ZNF648: variants seen among roughly 807,000 people sequenced by gnomAD.
The protein encoded by ZNF648 is zinc finger protein 648.
In ZNF648, 1 loss-of-function variant was observed where a neutral mutation model predicts 0.3. That is an observed-to-expected ratio of 3.90 (90% CI 1.39 to 18.51). The LOEUF is 18.51. Ranked by LOEUF, ZNF648 falls within the 30% of genes most tolerant of loss-of-function variation. The probability of loss-of-function intolerance (pLI) is 0.11; values close to 1 mark genes in which losing one functional copy is unlikely to be tolerated. For missense variants in ZNF648, 874 were observed against 769.7 expected (o/e 1.14, Z -1.60); for synonymous variants, 376 against 326.8 (o/e 1.15, Z -1.62).
chr1:182,066,352 C>T (rs150621661), upstream of ZNF648, among the ~76,000 whole-genome samples: 531 of 152,230 alleles, frequency 3.5e-3, 4 homozygotes, highest in African/African-American at 0.012. Context: ...TATGTTCTTC[C>T]CCATGCTCTG....
Position 182,055,856 on chromosome 1 carries a change from C to G in ZNF648, c.*448G>C, listed in dbSNP as rs1665895568. 6.2e-6 allele frequency: 1 copy of G among 161,624 alleles called. No individual in the cohort carries two copies. The highest frequency in any genetic ancestry group is 1.4e-5 in the Non-Finnish European group (1 of 73,228). The allele number at this position is 161,624 out of a possible 1,614,324, so 10.0% of individuals were successfully genotyped here. On this transcript the variant is annotated 3_prime_UTR_variant, in exon 2 of 2. Transcript: ENST00000339948. This position sits in a 1 kb window ranked among gnomAD's most constrained non-coding sequence, Gnocchi z 4.1. ...GGGATTCCTTTATTTATATAAAAAC[C>G]AAAAAGCATCTTTCTCTAAAGAGGA... is the stretch of plus-strand genomic sequence containing the variant.
chr1:182,061,915 C>T (rs1377435587), upstream of ZNF648, among the ~76,000 whole-genome samples: 1 of 152,226 alleles, frequency 6.6e-6, no homozygotes, highest in East Asian at 1.9e-4. Flanking sequence ...CCCTATGCCT[C>T]TTGTTCACTT....
upstream of ZNF648, chr1:182,063,563 G>A (rs1280218786): frequency 6.6e-6 from 1 of 152,010 alleles, no homozygotes; most frequent in African/African-American, 2.4e-5. Context: ...TTTGTGGGGG[G>A]TTTCGTAAAT....
In ZNF648 at chr1:182,055,740, A is replaced by T. The variant is rs1343808313; in HGVS notation, c.*564T>A. 6.5e-6 allele frequency: 1 copy of T among 154,258 alleles called. No homozygotes were observed. The highest frequency in any genetic ancestry group is 1.4e-5 in the Non-Finnish European group (1 of 69,424). 9.6% of individuals were successfully genotyped at this position (154,258 alleles called of 1,614,324 possible). ...ATCCTAAGGGTAAAGCCATTTCTGC[A>T]GTCAAGTGAAATGATGGGATGTTGG... On this transcript the variant is annotated 3_prime_UTR_variant, in exon 2 of 2. Coordinates refer to ENST00000339948, the MANE Select transcript of ZNF648 (RefSeq NM_001009992.1). The surrounding 1 kb of genome is among the most constrained non-coding windows in gnomAD (Gnocchi z 4.1).
intron 1 of ZNF648, among the ~76,000 whole-genome samples, chr1:182,058,951 T>C (rs556355258): frequency 6.6e-6 from 1 of 152,228 alleles, no homozygotes; most frequent in East Asian, 1.9e-4. Flanking sequence ...GCCTCTTGAG[T>C]AGCTGGGATT....
chr1:182,069,407 C>G, the ZNF648 span, among the ~76,000 whole-genome samples: 1 of 152,230 alleles, frequency 6.6e-6, no homozygotes, highest in Non-Finnish European at 1.5e-5. Flanking sequence ...TCAACTGCTG[C>G]ACTGAACGTA....
chr1:182,064,099 T>C (rs905820586), upstream of ZNF648: 1 of 152,256 alleles, frequency 6.6e-6, no homozygotes, highest in African/African-American at 2.4e-5. Flanking sequence ...TTTTGGTTAC[T>C]GTAGCCTTGT....
rs1241092879 is a variant in ZNF648 at position 182,057,837 on chromosome 1, G to A, written c.174C>T (p.Ser58=). ...TADPVACPRG[S]SPVTHENPDL... is the part of the protein sequence containing the mutation. ...CAGGATTTTCGTGTGTTACTGGGGA[G>A]CTGCCCCTTGGACAGGCCACCGGGT... The change falls in exon 2 of 2, where the codon AGC becomes AGT. Residue 58 remains serine, a synonymous_variant. Coordinates refer to ENST00000339948, the MANE Select transcript of ZNF648 (RefSeq NM_001009992.1). 6.2e-7 allele frequency: 1 copy of A among 1,614,190 alleles called. No individual in the cohort carries two copies. The highest frequency in any genetic ancestry group is 2.2e-5 in the East Asian group (1 of 44,870).
In ZNF648 at chr1:182,057,108, G is replaced by A; in HGVS notation, c.903C>T (p.His301=). Reference sequence around the variant, plus strand: ...AGCACTGGTAGGGCCGCTCGCCCGTGTGCAGGCGCCTGTGCTGCTGGAGTG... The same window carrying A: ...AGCACTGGTAGGGCCGCTCGCCCGTATGCAGGCGCCTGTGCTGCTGGAGTG... The part of the protein sequence containing the change: ...RGTLQQHRRL[H]TGERPYQCSF... Residue 301 remains histidine, a synonymous_variant, in exon 2 of 2, where the codon CAC becomes CAT. Coordinates refer to ENST00000339948, the MANE Select transcript of ZNF648 (RefSeq NM_001009992.1). The A allele has an allele frequency of 3.1e-6, 5 of 1,609,780 alleles. No homozygotes were observed. Among genetic ancestry groups the A allele is most frequent in the Non-Finnish European group, 4.2e-6 (5 of 1,179,894 alleles).
Position 182,057,895 on chromosome 1 carries a change from T to C in ZNF648, c.116A>G (p.Asp39Gly), listed in dbSNP as rs761942875. ...GCCCTCTTTTTCGGCCTCCCCACCA[T>C]CTTCATCGTCACTCTCTAAGTTCAT... The part of the protein sequence containing the change: ...LSMNLESDDE[D>G]GGEAEKEGTA... The change falls in exon 2 of 2, where the codon GAT becomes GGT. Residue 39 changes from aspartate to glycine, a missense_variant. By Grantham distance (94) the Asp-to-Gly change is moderately conservative. Coordinates refer to ENST00000339948, the MANE Select transcript of ZNF648 (RefSeq NM_001009992.1). 4 of 1,614,118 alleles carry C rather than the reference T, an allele frequency of 2.5e-6. No homozygotes were observed. In the South Asian group the frequency reaches 3.3e-5, roughly 13 times the overall value.
chr1:182,067,787 A>T, the ZNF648 span, among the ~76,000 whole-genome samples: 1 of 152,254 alleles, frequency 6.6e-6, no homozygotes, highest in East Asian at 1.9e-4. Flanking sequence ...GGATGGGTTC[A>T]TGGAACCCTC....
At position 182,056,823 on chromosome 1, in the gene ZNF648, G is replaced by A. The variant is rs1236187279; in HGVS notation, c.1188C>T (p.Ala396=). 1.3e-6 allele frequency: 2 copies of A among 1,552,976 alleles called. No homozygotes were observed. The highest frequency in any genetic ancestry group is 2.4e-5 in the East Asian group (1 of 41,070). The change falls in exon 2 of 2, where the codon GCC becomes GCT. Residue 396 remains alanine (A), a synonymous_variant. Coordinates refer to ENST00000339948, the MANE Select transcript of ZNF648 (RefSeq NM_001009992.1). ...HLGAKPFRCP[A]CDREFAVASR... ...TGGCCACAGCGAACTCCCGGTCGCAGGCGGGGCAGCGGAAGGGCTTGGCGC... is the reference window on the plus strand; with the variant it reads ...TGGCCACAGCGAACTCCCGGTCGCAAGCGGGGCAGCGGAAGGGCTTGGCGC...
Position 182,056,934 on chromosome 1 carries a change from G to A in ZNF648, c.1077C>T (p.Ser359=). 6.2e-7 allele frequency: 1 copy of A among 1,611,554 alleles called. No individual in the cohort carries two copies. The highest frequency in any genetic ancestry group is 1.3e-5 in the African/African-American group (1 of 75,048). The change falls in exon 2 of 2, where the codon AGC becomes AGT. Residue 359 remains serine (S), a synonymous_variant. Transcript: ENST00000339948. ...DLRKHQRNMH[S]NNKPFPCSEC... is the part of the protein sequence containing the mutation. The stretch of plus-strand genomic sequence containing the variant: ...CGGAGCACGGGAAGGGCTTATTGTT[G>A]CTGTGCATGTTGCGCTGGTGTTTGC...
At chr1:182,059,933 G>A (rs1666003851) in intron 1 of ZNF648, among the ~76,000 whole-genome samples, 1 of 152,226 alleles carries the variant, frequency 6.6e-6, no homozygotes, top group African/African-American at 2.4e-5. Context: ...CAGCAGTGGG[G>A]TTTCTCTCTA....
Position 182,057,508 on chromosome 1 carries a change from G to T in ZNF648, c.503C>A (p.Pro168His). 1 of 1,614,212 alleles carries T rather than the reference G, an allele frequency of 6.2e-7. No individual in the cohort carries two copies. The highest frequency in any genetic ancestry group is 1.1e-5 in the South Asian group (1 of 91,090). Residue 168 changes from proline to histidine, a missense_variant, in exon 2 of 2, where the codon CCC becomes CAC. Coordinates refer to ENST00000339948, the MANE Select transcript of ZNF648 (RefSeq NM_001009992.1). ...CGCACAGAGATACTTTCCATTGCTG[G>T]GGAAGCTGGGTGGGACATCCAAGAC... ...DAVLDVPPSF[P>H]SNGKYLCAHK...
the ZNF648 span, chr1:182,069,186 T>G: frequency 6.6e-6 from 1 of 152,108 alleles, no homozygotes; most frequent in East Asian, 2.0e-4. Flanking sequence ...CTGACACAGC[T>G]GCGGAGCTCC....
the ZNF648 span, among the ~76,000 whole-genome samples, chr1:182,067,902 T>A: frequency 6.6e-6 from 1 of 152,200 alleles, no homozygotes; most frequent in Non-Finnish European, 1.5e-5. Context: ...ACTTCAGGCC[T>A]CCACTCCTCC....
chr1:182,062,080 G>C (rs1290948356), upstream of ZNF648, among the ~76,000 whole-genome samples: 3 of 152,192 alleles, frequency 2.0e-5, no homozygotes, highest in Admixed American at 2.0e-4. Flanking sequence ...CCCTATTCTA[G>C]TACCCACCTT....
Position 182,056,462 on chromosome 1 carries a change from A to G in ZNF648, c.1549T>C (p.Ser517Pro). 1 of 1,613,994 alleles carries G rather than the reference A, an allele frequency of 6.2e-7. No homozygotes were observed. The highest frequency in any genetic ancestry group is 8.5e-7 in the Non-Finnish European group (1 of 1,179,956). ...ATTCGTATGTGCTGGGCCAACTCAG[A>G]GGCAATGCGGAAGGCCCTGCCGCAC... ...AECGRAFRIA[S>P]ELAQHIRMHN... Residue 517 changes from serine to proline, a missense_variant, in exon 2 of 2, where the codon TCT becomes CCT. Ser to Pro is a moderately conservative substitution (Grantham distance 74). Transcript: ENST00000339948.
Sources: allele counts gnomAD v4.1 joint callset (sites outside exome capture counted in the v4.1 genomes callset), GRCh38; gene constraint gnomAD v4.1.1; non-coding constraint Gnocchi (gnomAD v3.1); transcripts MANE v1.5; gene names NCBI Gene and HGNC (gene_info 2026-07-23, HGNC 2026-07-21).